TXNRD1: variants seen among roughly 807,000 people sequenced by gnomAD.
The protein encoded by TXNRD1 is thioredoxin reductase 1, also known as thioredoxin reductase 1, cytoplasmic.
A neutral mutation model predicts 80.3 loss-of-function variants in TXNRD1; 57 were observed. The ratio of observed to expected loss-of-function variants is 0.71; its 90% CI spans 0.57 to 0.89. The LOEUF (loss-of-function observed/expected upper bound fraction) is 0.89, where lower values mean the gene tolerates loss of function less well. TXNRD1 is among the 40% of genes least tolerant of loss of function. The probability of loss-of-function intolerance (pLI) is 0.00; values close to 1 mark genes in which losing one functional copy is unlikely to be tolerated. For synonymous variants in TXNRD1, 291 were observed against 285.2 expected (o/e 1.02, Z -0.20); for missense variants, 730 against 803.0 (o/e 0.91, Z 1.10).
chr12:104,287,254 G>A (rs1182277366), intron 3 of TXNRD1: 1 of 1,613,774 alleles, frequency 6.2e-7, no homozygotes, highest in African/African-American at 1.3e-5. Flanking sequence ...TTTAAGGCGT[G>A]TCTGAGCAGA....
At chr12:104,290,714 AATATACATATATAT>A (rs1199708305) in intron 4 of TXNRD1, among the ~76,000 whole-genome samples, 84 of 49,140 alleles carry the variant, frequency 1.7e-3, no homozygotes, top group Non-Finnish European at 2.1e-3. Flanking sequence ...AAAAAAAAGA[AATATACATATATAT>A]ATATATATAT....
At chr12:104,227,904 A>T (rs1411996371) in intron 1 of TXNRD1, among the ~76,000 whole-genome samples, 1 of 152,210 alleles carries the variant, frequency 6.6e-6, no homozygotes, top group Admixed American at 6.5e-5. Context: ...ATACAAGTGT[A>T]CCATAATTTT....
intron 5 of TXNRD1, 127 bp from the exon 6 acceptor site, chr12:104,313,118 C>T: frequency 1.6e-6 from 1 of 633,150 alleles, no homozygotes; most frequent in Admixed American, 2.8e-5. Context: ...GTGTGAAGTA[C>T]CCAGGTATTA....
intron 1 of TXNRD1, among the ~76,000 whole-genome samples, chr12:104,227,323 G>A (rs2032495008): frequency 6.6e-6 from 1 of 152,100 alleles, no homozygotes; most frequent in Admixed American, 6.6e-5. Flanking sequence ...GTGCAATGGT[G>A]TAATTATAGC....
At chr12:104,257,010 T>A (rs1464772695) in intron 2 of TXNRD1, among the ~76,000 whole-genome samples, 1 of 149,332 alleles carries the variant, frequency 6.7e-6, no homozygotes, top group East Asian at 2.0e-4. Context: ...ATTTTCCTCA[T>A]TGATCATCTC....
intron 1 of TXNRD1, 126 bp downstream of exon 1, chr12:104,216,019 C>G: frequency 1.3e-6 from 1 of 772,788 alleles, no homozygotes; most frequent in East Asian, 3.1e-5. Flanking sequence ...AGTGACTGAC[C>G]GCGCGCCACG....
chr12:104,311,425 G>T lies in TXNRD1; in HGVS notation c.537+13G>T. On this transcript the variant is annotated intron_variant, in intron 5 of 16. Coordinates refer to ENST00000525566, the MANE Select transcript of TXNRD1 (RefSeq NM_001093771.3). ...GGCAGCTGCTAAGGCAAGGCTCCTT[G>T]TGTTGTCTGTTGTCTGTTGTCTGGG... The T allele has an allele frequency of 2.5e-6, 4 of 1,612,134 alleles. No homozygotes were observed. Among genetic ancestry groups the T allele is most frequent in the Non-Finnish European group, 3.4e-6 (4 of 1,179,224 alleles).
intron 16 of TXNRD1, among the ~76,000 whole-genome samples, chr12:104,344,501 T>C (rs1002244602): frequency 6.6e-6 from 1 of 152,172 alleles, no homozygotes; most frequent in African/African-American, 2.4e-5. Flanking sequence ...ATGGGGTGCA[T>C]AGTGATGTTT....
intron 16 of TXNRD1, chr12:104,346,141 T>A: frequency 2.2e-6 from 1 of 463,380 alleles, no homozygotes; most frequent in Non-Finnish European, 4.0e-6. Context: ...GTCTCCTGAG[T>A]AGCTGGGACC....
chr12:104,267,699 T>TTCTTTCTTTCTTTCTTTCTCTC (rs1555209251), intron 3 of TXNRD1, among the ~76,000 whole-genome samples: 1 of 46,416 alleles, frequency 2.2e-5, no homozygotes, highest in Non-Finnish European at 4.7e-5. Flanking sequence ...CTTTCTTTCT[T>TTCTTTCTTTCTTTCTTTCTCTC]TCTCTCTTTC....
At chr12:104,256,136 G>A (rs1481739096) in intron 2 of TXNRD1, among the ~76,000 whole-genome samples, 1 of 152,086 alleles carries the variant, frequency 6.6e-6, no homozygotes, top group Non-Finnish European at 1.5e-5. Context: ...TTTAACAACT[G>A]GGATATGAGT....
At chr12:104,237,854 T>A (rs963521661) in intron 1 of TXNRD1, among the ~76,000 whole-genome samples, 2 of 151,828 alleles carry the variant, frequency 1.3e-5, no homozygotes, top group Admixed American at 6.6e-5. Flanking sequence ...CTACTAATAA[T>A]ACAAAAATTA....
intron 1 of TXNRD1, among the ~76,000 whole-genome samples, chr12:104,238,381 T>C (rs760993901): frequency 1.3e-5 from 2 of 152,254 alleles, no homozygotes; most frequent in African/African-American, 2.4e-5. Context: ...AAACACAAGT[T>C]AACTAAATGG....
At chr12:104,231,388 GT>G (rs2032618672) in intron 1 of TXNRD1, among the ~76,000 whole-genome samples, 1 of 152,186 alleles carries the variant, frequency 6.6e-6, no homozygotes, top group Admixed American at 6.5e-5. Flanking sequence ...AGCATTTGGA[GT>G]TGGATTGCTT....
At chr12:104,269,905 G>A (rs559374116) in intron 3 of TXNRD1, among the ~76,000 whole-genome samples, 1 of 152,024 alleles carries the variant, frequency 6.6e-6, no homozygotes, top group Non-Finnish European at 1.5e-5. Flanking sequence ...GTAGAGACAG[G>A]GTCCCACTAT....
At chr12:104,236,442 A>G (rs1399535246) in intron 1 of TXNRD1, among the ~76,000 whole-genome samples, 2 of 152,218 alleles carry the variant, frequency 1.3e-5, no homozygotes, top group Admixed American at 1.3e-4. Context: ...ACTGCTTGGC[A>G]TGGCTAAAGT....
intron 16 of TXNRD1, among the ~76,000 whole-genome samples, chr12:104,341,534 G>A (rs2036324444): frequency 6.6e-6 from 1 of 152,156 alleles, no homozygotes; most frequent in Non-Finnish European, 1.5e-5. Flanking sequence ...CACATTTGTG[G>A]TCTTTGCCTC....
intron 2 of TXNRD1, among the ~76,000 whole-genome samples, chr12:104,252,688 ATATTTTTTTTTTTT>A: frequency 1.5e-5 from 1 of 65,742 alleles, no homozygotes; most frequent in South Asian, 5.7e-4. Context: ...ATATATATAT[ATATTTTTTTTTTTT>A]TTTTTTTTTT....
At chr12:104,254,644 A>AAAAAATATATAT in intron 2 of TXNRD1, among the ~76,000 whole-genome samples, 1 of 93,638 alleles carries the variant, frequency 1.1e-5, no homozygotes, top group African/African-American at 5.2e-5. Flanking sequence ...AAAAAAAAAA[A>AAAAAATATATAT]ATATATATAT....
Sources: gnomAD v4.1 joint callset for allele counts (sites outside exome capture counted in the v4.1 genomes callset) on GRCh38, gnomAD v4.1.1 for gene constraint, MANE v1.5 for transcripts, NCBI Gene and HGNC (gene_info 2026-07-23, HGNC 2026-07-21) for gene names.